Variants in RASA2 observed in about 807,000 individuals in gnomAD.
RASA2 encodes ras GTPase-activating protein 2.
A neutral mutation model predicts 118.2 loss-of-function variants in RASA2; 155 were observed. That is an observed-to-expected ratio of 1.31 (90% CI 1.15 to 1.50). RASA2 has a LOEUF of 1.50. RASA2 is among the 40% of genes most tolerant of loss of function. The pLI is 0.00. For synonymous variants in RASA2, 353 were observed against 349.1 expected (o/e 1.01, Z -0.12); for missense variants, 1,016 against 1,009.6 (o/e 1.01, Z -0.09).
chr3:141,557,279 A>G (rs2082664364), intron 7 of RASA2, among the ~76,000 whole-genome samples: 1 of 152,226 alleles, frequency 6.6e-6, no homozygotes, highest in African/African-American at 2.4e-5. Flanking sequence ...AGGAACACAA[A>G]GCAGACATAT....
intron 7 of RASA2, among the ~76,000 whole-genome samples, chr3:141,556,516 C>T (rs965738384): frequency 2.6e-5 from 4 of 151,878 alleles, no homozygotes; most frequent in African/African-American, 7.3e-5. Context: ...GCCTGCTTAT[C>T]TTCATAGACA....
intron 19 of RASA2, among the ~76,000 whole-genome samples, chr3:141,603,159 C>T (rs1267714600): frequency 6.6e-6 from 1 of 152,178 alleles, no homozygotes; most frequent in Non-Finnish European, 1.5e-5. Context: ...CAGTTTTATA[C>T]ACCCATCTTT....
At chr3:141,490,765 T>C (rs1232810449) in intron 1 of RASA2, among the ~76,000 whole-genome samples, 2 of 152,222 alleles carry the variant, frequency 1.3e-5, no homozygotes, top group East Asian at 1.9e-4. Flanking sequence ...GTTAGTTACC[T>C]GGGTTTGAAT....
At chr3:141,571,351 C>T in intron 10 of RASA2, 55 bp from the exon 11 acceptor site, 15 of 1,563,580 alleles carry the variant, frequency 9.6e-6, no homozygotes, top group Non-Finnish European at 1.3e-5. Context: ...AGTGATTGAA[C>T]AGTTAATCAT....
At chr3:141,594,893 T>TTTAAAA (rs1346762022) in intron 19 of RASA2, among the ~76,000 whole-genome samples, 3 of 152,150 alleles carry the variant, frequency 2.0e-5, no homozygotes, top group African/African-American at 7.2e-5. Context: ...TCTCCATTTC[T>TTTAAAA]TTAAAAAGCA....
At chr3:141,570,512 AC>A (rs2082901025) in intron 9 of RASA2, among the ~76,000 whole-genome samples, 1 of 152,160 alleles carries the variant, frequency 6.6e-6, no homozygotes, top group African/African-American at 2.4e-5. Flanking sequence ...GAGCCACTGC[AC>A]CCGGACTGTC....
chr3:141,555,863 T>A lies in RASA2; in HGVS notation c.635T>A (p.Val212Glu), dbSNP rs1042364275. The A allele has an allele frequency of 1.2e-6, 2 of 1,612,716 alleles. No homozygotes were observed. The highest frequency in any genetic ancestry group is 1.7e-6 in the Non-Finnish European group (2 of 1,179,384). Reference sequence around the variant, plus strand: ...AGGAATGACCAAAAGAAGACAAAAGTAAAGAAGAAAACAAGCAATCCGCAG... The same window carrying A: ...AGGAATGACCAAAAGAAGACAAAAGAAAAGAAGAAAACAAGCAATCCGCAG... ...PSRNDQKKTK[V>E]KKKTSNPQFN... Residue 212 changes from valine (V) to glutamate (E), a missense_variant, in exon 7 of 24, where the codon GTA (valine) becomes GAA (glutamate). By Grantham distance (121) the Val-to-Glu change is moderately radical. Coordinates refer to ENST00000286364, the MANE Select transcript of RASA2 (RefSeq NM_006506.5).
At chr3:141,551,092 A>G (rs1232391713) in intron 5 of RASA2, among the ~76,000 whole-genome samples, 1 of 152,168 alleles carries the variant, frequency 6.6e-6, no homozygotes, top group African/African-American at 2.4e-5. Context: ...ATTATGGATC[A>G]TAATTTCTTA....
intron 4 of RASA2, among the ~76,000 whole-genome samples, chr3:141,531,927 A>C (rs2082266482): frequency 6.6e-6 from 1 of 152,068 alleles, no homozygotes; most frequent in Non-Finnish European, 1.5e-5. Flanking sequence ...TTTGTTAATA[A>C]ATTTGTTCAC....
intron 1 of RASA2, among the ~76,000 whole-genome samples, chr3:141,495,749 G>T (rs922580118): frequency 6.6e-6 from 1 of 151,540 alleles, no homozygotes; most frequent in Non-Finnish European, 1.5e-5. Flanking sequence ...TAGAGAAGAG[G>T]CATATACAAA....
chr3:141,586,716 T>C lies in RASA2; in HGVS notation c.1897T>C (p.Leu633=). The C allele has an allele frequency of 6.2e-7, 1 of 1,613,718 alleles. No homozygotes were observed. Among genetic ancestry groups the C allele is most frequent in the Non-Finnish European group, 8.5e-7 (1 of 1,179,718 alleles). Residue 633 remains leucine (L), a synonymous_variant, in exon 19 of 24, where the codon TTA becomes CTA. Transcript: ENST00000286364. The part of the protein sequence containing the change: ...KKNFKKRWFC[L]TSRELTYHKQ... Reference sequence around the variant, plus strand: ...GAATTTTAAGAAACGATGGTTCTGCTTAACAAGCAGAGAGCTCACCTACCA... The same window carrying C: ...GAATTTTAAGAAACGATGGTTCTGCCTAACAAGCAGAGAGCTCACCTACCA...
intron 1 of RASA2, among the ~76,000 whole-genome samples, chr3:141,510,265 G>A (rs963344644): frequency 6.6e-6 from 1 of 152,074 alleles, no homozygotes; most frequent in Non-Finnish European, 1.5e-5. Flanking sequence ...ATGGTTCTTG[G>A]GGTAATGCTG....
chr3:141,540,538 A>T lies in RASA2; in HGVS notation c.456A>T (p.Lys152Asn), dbSNP rs1351874024. 6.2e-7 allele frequency: 1 copy of T among 1,610,448 alleles called. No individual in the cohort carries two copies. The highest frequency in any genetic ancestry group is 1.7e-5 in the Admixed American group (1 of 59,930). Residue 152 changes from lysine (K) to asparagine (N), a missense_variant, in exon 5 of 24, where the codon AAA becomes AAT. Physicochemically the swap from Lys to Asn is moderately conservative, Grantham distance 94 (BLOSUM62 0). Around this residue, in one of 2 missense-constraint regions of RASA2, gnomAD observed 896 missense variants for 836.4 expected, o/e 1.07. Coordinates refer to ENST00000286364, the MANE Select transcript of RASA2 (RefSeq NM_006506.5). ...PVDSNSEVQG[K>N]VHLELKLNEL... is the part of the protein sequence containing the mutation. ...TAATCTTTTTGTCATTATAGGGTAA[A>T]GTTCACCTTGAATTAAAACTGAATG...
Position 141,516,648 on chromosome 3 carries a change from A to G in RASA2, c.355+217A>G, listed in dbSNP as rs74615449. On this transcript the variant is annotated intron_variant, in intron 3 of 23. Coordinates refer to ENST00000286364, the MANE Select transcript of RASA2 (RefSeq NM_006506.5). ...GGCCTTTGCAGCTCCCCTAGTCACT[A>G]TGTCATATGTTTTTATAATTCCTGA... Among the ~76,000 whole-genome samples, 971 of 152,174 alleles carry G rather than the reference A, an allele frequency of 6.4e-3. 39 individuals carry two copies. In the East Asian group the frequency reaches 0.1, roughly 16 times the overall value.
At chr3:141,585,061 T>C (rs1378837852) in intron 17 of RASA2, among the ~76,000 whole-genome samples, 1 of 152,170 alleles carries the variant, frequency 6.6e-6, no homozygotes, top group Non-Finnish European at 1.5e-5. Flanking sequence ...TTATGGGCCT[T>C]ACAAAAACAG....
intron 3 of RASA2, among the ~76,000 whole-genome samples, chr3:141,520,959 T>G (rs2082103719): frequency 6.6e-6 from 1 of 152,074 alleles, no homozygotes; most frequent in Non-Finnish European, 1.5e-5. Flanking sequence ...ACAGGAGATG[T>G]GAAAAGGAGA....
chr3:141,590,016 A>C (rs554084534), intron 19 of RASA2: 5 of 419,334 alleles, frequency 1.2e-5, no homozygotes, highest in African/African-American at 1.0e-4. Flanking sequence ...TGAGATATGA[A>C]GTTTCAAGCT....
At position 141,487,059 on chromosome 3, in the gene RASA2, G is replaced by C. The variant is rs1009952907; in HGVS notation, c.-25G>C. 1.6e-5 allele frequency: 20 copies of C among 1,242,148 alleles called. No individual in the cohort carries two copies. Among genetic ancestry groups the C allele is most frequent in the Non-Finnish European group, 2.0e-5 (20 of 986,964 alleles). 76.9% of individuals were successfully genotyped at this position (1,242,148 alleles called of 1,614,324 possible). A position where few individuals can be genotyped will look rare whatever the true frequency, so the allele number is the denominator to read the frequency against. ...CTCGCCCGGCTACGCAGGCGGCAGGGCTGCGGCACGGGCCGGGCGGCACCA... is the reference window on the plus strand; with the variant it reads ...CTCGCCCGGCTACGCAGGCGGCAGGCCTGCGGCACGGGCCGGGCGGCACCA... On this transcript the variant is annotated 5_prime_UTR_variant, in exon 1 of 24. Transcript: ENST00000286364.
At chr3:141,580,085 A>AAAATATATATATATAT (rs1553797703) in intron 15 of RASA2, among the ~76,000 whole-genome samples, 3 of 59,596 alleles carry the variant, frequency 5.0e-5, no homozygotes, top group African/African-American at 1.4e-4. Flanking sequence ...AAAAAAAAAA[A>AAAATATATATATATAT]ATATATATAT....
Sources: allele counts gnomAD v4.1 joint callset (sites outside exome capture counted in the v4.1 genomes callset), GRCh38; gene constraint gnomAD v4.1.1; regional missense constraint gnomAD v4.1.1; transcripts MANE v1.5; gene names NCBI Gene and HGNC (gene_info 2026-07-23, HGNC 2026-07-21).